Variants in ZDHHC19 observed in about 807,000 individuals in gnomAD.
ZDHHC19 encodes zDHHC palmitoyltransferase 19, also known as palmitoyltransferase ZDHHC19.
A neutral mutation model predicts 33.9 loss-of-function variants in ZDHHC19; 30 were observed. The observed-to-expected ratio is 0.88, with a 90% confidence interval of 0.66 to 1.20. The LOEUF is 1.20. ZDHHC19 is among the 50% of genes most tolerant of loss of function. ZDHHC19 has a pLI of 0.00. For synonymous variants in ZDHHC19, 178 were observed against 167.6 expected (o/e 1.06, Z -0.48); for missense variants, 364 against 401.1 (o/e 0.91, Z 0.79).
chr3:196,198,586 CA>C, intron 6 of ZDHHC19, 135 bp from the exon 7 acceptor site: 1 of 1,549,734 alleles, frequency 6.5e-7, no homozygotes, highest in Non-Finnish European at 8.7e-7. Flanking sequence ...CAGGATGCAG[CA>C]GCCCTGTATG....
intron 5 of ZDHHC19, among the ~76,000 whole-genome samples, chr3:196,205,492 T>C (rs1722661279): frequency 6.6e-6 from 1 of 152,022 alleles, no homozygotes; most frequent in Admixed American, 6.6e-5. Context: ...GGGGGAGAAA[T>C]TGACTACAAA....
At chr3:196,198,145 C>T in intron 7 of ZDHHC19, 131 bp downstream of exon 7, 1 of 890,790 alleles carries the variant, frequency 1.1e-6, no homozygotes, top group Non-Finnish European at 1.5e-6. Flanking sequence ...TAGAACCCTC[C>T]TCCCCCCAAG....
rs575734787 is a variant in ZDHHC19, at chr3:196,203,804, C to T, written c.687+3594G>A. On this transcript the variant is annotated intron_variant, in intron 5 of 7. Coordinates refer to ENST00000296326, the MANE Select transcript of ZDHHC19 (RefSeq NM_001039617.2). This position sits in a 1 kb window ranked among gnomAD's most constrained non-coding sequence, Gnocchi z 4.3. ...ACCAGAGCGGGCTGATGAGGAAGGG[C>T]GGAGCTGGGGAGTCACAGGTGGGGG... Among the ~76,000 whole-genome samples, 5 of 152,158 alleles carry T rather than the reference C, an allele frequency of 3.3e-5. No homozygotes were observed. The highest frequency in any genetic ancestry group is 6.5e-5 in the Admixed American group (1 of 15,286).
Position 196,209,468 on chromosome 3 carries a change from G to C in ZDHHC19, c.316C>G (p.His106Asp), listed in dbSNP as rs369216136. 2 of 1,612,484 alleles carry C rather than the reference G, an allele frequency of 1.2e-6. No individual in the cohort carries two copies. Among genetic ancestry groups the C allele is most frequent in the Non-Finnish European group, 1.7e-6 (2 of 1,179,566 alleles). ...PLTVHVVWVN[H>D]GAFRLQWCPK... Reference sequence around the variant, plus strand: ...CACCATTGCAGGCGGAAGGCCCCGTGGTTCACCCACACCACGTGCACCGTC... The same window carrying C: ...CACCATTGCAGGCGGAAGGCCCCGTCGTTCACCCACACCACGTGCACCGTC... Residue 106 changes from histidine to aspartate, a missense_variant, in exon 3 of 8, where the codon CAC (histidine) becomes GAC (aspartate). By Grantham distance (81) the His-to-Asp change is moderately conservative. Coordinates refer to ENST00000296326, the MANE Select transcript of ZDHHC19 (RefSeq NM_001039617.2).
intron 5 of ZDHHC19, among the ~76,000 whole-genome samples, chr3:196,204,023 C>T (rs1722553921): frequency 6.6e-6 from 1 of 152,132 alleles, no homozygotes; most frequent in South Asian, 2.1e-4. Context: ...CCTCACCACT[C>T]CTGCTCCACA....
At chr3:196,210,341 GA>G (rs71622468) in intron 2 of ZDHHC19, among the ~76,000 whole-genome samples, 1 of 40,330 alleles carries the variant, frequency 2.5e-5, no homozygotes. Context: ...AAGAAAGAAA[GA>G]AAAGAGAAAG....
chr3:196,210,593 T>C (rs746112261), intron 2 of ZDHHC19, 23 bp downstream of exon 2: 36 of 1,613,606 alleles, frequency 2.2e-5, no homozygotes, highest in South Asian at 1.2e-4. Flanking sequence ...ACACCTCCTT[T>C]TCCCAGGGGG....
intron 2 of ZDHHC19, 67 bp downstream of exon 2, chr3:196,210,549 G>A: frequency 6.2e-7 from 1 of 1,606,578 alleles, no homozygotes; most frequent in Admixed American, 1.7e-5. Flanking sequence ...GAGCACTTTA[G>A]GAATCCCCCC....
At chr3:196,200,432 G>A (rs1722199765) in intron 5 of ZDHHC19, among the ~76,000 whole-genome samples, 1 of 141,290 alleles carries the variant, frequency 7.1e-6, no homozygotes, top group Non-Finnish European at 1.5e-5. Context: ...TCAGCTCACT[G>A]CAAGCTCCGC....
chr3:196,210,441 A>AAAT (rs1723192035), intron 2 of ZDHHC19, among the ~76,000 whole-genome samples, 175 bp downstream of exon 2: 1 of 104,588 alleles, frequency 9.6e-6, no homozygotes, highest in Non-Finnish European at 2.0e-5. Flanking sequence ...AAAGAGAAAG[A>AAAT]AAGAAAGAAA....
chr3:196,202,945 A>G (rs1038993845), intron 5 of ZDHHC19, among the ~76,000 whole-genome samples: 2 of 152,138 alleles, frequency 1.3e-5, no homozygotes, highest in African/African-American at 4.8e-5. Flanking sequence ...TGAGAGAGAC[A>G]GGAGCATGTG....
At chr3:196,200,396 C>T (rs1560130483) in intron 5 of ZDHHC19, among the ~76,000 whole-genome samples, 2 of 145,842 alleles carry the variant, frequency 1.4e-5, no homozygotes, top group East Asian at 2.0e-4. Flanking sequence ...GCTCTGTCAC[C>T]CAGGCTGGAG....
At chr3:196,201,998 T>C (rs1405821674) in intron 5 of ZDHHC19, among the ~76,000 whole-genome samples, 1 of 152,072 alleles carries the variant, frequency 6.6e-6, no homozygotes, top group Non-Finnish European at 1.5e-5. Context: ...GTTCACTCAC[T>C]GTTTCAGGAA....
intron 3 of ZDHHC19, chr3:196,209,163 G>A: frequency 1.5e-6 from 1 of 654,722 alleles, no homozygotes; most frequent in Non-Finnish European, 2.5e-6. Flanking sequence ...CCCTGTGCAT[G>A]TCAGCACCTC....
Position 196,199,813 on chromosome 3 carries a change from C to G in ZDHHC19, c.688-939G>C, listed in dbSNP as rs548346552. Reference sequence around the variant, plus strand: ...ACAAAAAATTAGCCAGGCGTGGTGGCGGGTGCCTGTGATCCCAGCTACTCG... The same window carrying G: ...ACAAAAAATTAGCCAGGCGTGGTGGGGGGTGCCTGTGATCCCAGCTACTCG... On this transcript the variant is annotated intron_variant, in intron 5 of 7. Coordinates refer to ENST00000296326, the MANE Select transcript of ZDHHC19 (RefSeq NM_001039617.2). Among the ~76,000 whole-genome samples the G allele has an allele frequency of 4.0e-5, 6 of 151,622 alleles. 2 individuals carry two copies. Among genetic ancestry groups the G allele is most frequent in the African/African-American group, 1.2e-4 (5 of 41,116 alleles).
At chr3:196,199,363 T>C (rs939892) in intron 5 of ZDHHC19, 142,167 of 159,604 alleles carry the variant, frequency 0.89, 63,521 homozygotes, top group East Asian at 1. Context: ...CAAGAGCCTT[T>C]GCTGTCATGT....
At chr3:196,205,822 G>A (rs1281662841) in intron 5 of ZDHHC19, among the ~76,000 whole-genome samples, 1 of 152,076 alleles carries the variant, frequency 6.6e-6, no homozygotes, top group Admixed American at 6.6e-5. Flanking sequence ...ACCATGCCTG[G>A]CTAATTTTTG....
intron 5 of ZDHHC19, chr3:196,199,785 A>C (rs1722102584): frequency 6.7e-6 from 1 of 150,000 alleles, no homozygotes; most frequent in Non-Finnish European, 1.5e-5. Flanking sequence ...CTCTACTAAA[A>C]ATACAAAAAA....
intron 6 of ZDHHC19, 106 bp downstream of exon 6, chr3:196,198,683 G>C: frequency 6.3e-7 from 1 of 1,597,114 alleles, no homozygotes; most frequent in Non-Finnish European, 8.5e-7. Flanking sequence ...CAGAGGAGCA[G>C]GAACAGTGAG....
Sources: allele counts gnomAD v4.1 joint callset (sites outside exome capture counted in the v4.1 genomes callset), GRCh38; gene constraint gnomAD v4.1.1; non-coding constraint Gnocchi (gnomAD v3.1); transcripts MANE v1.5; gene names NCBI Gene and HGNC (gene_info 2026-07-23, HGNC 2026-07-21).